The following SIPA1L2 variants were observed in gnomAD, a reference collection of about 807,000 sequenced individuals.
The protein encoded by SIPA1L2 is signal induced proliferation associated 1 like 2, also known as signal-induced proliferation-associated 1-like protein 2.
A neutral mutation model predicts 163.9 loss-of-function variants in SIPA1L2; 56 were observed. The observed-to-expected ratio is 0.34, with a 90% CI of 0.28 to 0.43. The LOEUF (loss-of-function observed/expected upper bound fraction) is 0.43. SIPA1L2 is among the 20% of genes least tolerant of loss of function. SIPA1L2 has a pLI of 1.00. For synonymous variants in SIPA1L2, 877 were observed against 865.7 expected (o/e 1.01, Z -0.23); for missense variants, 1,974 against 2,193.5 (o/e 0.90, Z 2.00).
chr1:232,584,484 A>G (rs998963163), intron 1 of SIPA1L2, among the ~76,000 whole-genome samples: 1 of 152,212 alleles, frequency 6.6e-6, no homozygotes, highest in Admixed American at 6.5e-5. Flanking sequence ...GCCTAGTCCA[A>G]TCATATTTCT....
At chr1:232,452,266 G>T (rs550151594) in intron 10 of SIPA1L2, among the ~76,000 whole-genome samples, 1 of 152,078 alleles carries the variant, frequency 6.6e-6, no homozygotes, top group Non-Finnish European at 1.5e-5. Flanking sequence ...AAGACTTCTT[G>T]GTTACAGCTG....
At chr1:232,406,723 T>G (rs1413424505) in intron 19 of SIPA1L2, among the ~76,000 whole-genome samples, 1 of 152,070 alleles carries the variant, frequency 6.6e-6, no homozygotes, top group South Asian at 2.1e-4. Flanking sequence ...AAGGCTGGAC[T>G]GGTGGGGGTG....
At chr1:232,452,085 T>C (rs1189289886) in intron 10 of SIPA1L2, among the ~76,000 whole-genome samples, 1 of 138,132 alleles carries the variant, frequency 7.2e-6, no homozygotes, top group Non-Finnish European at 1.6e-5. Context: ...GAGGATCTTT[T>C]ATTTTACTGC....
chr1:232,579,976 A>G (rs1220983232), intron 1 of SIPA1L2, among the ~76,000 whole-genome samples: 1 of 152,200 alleles, frequency 6.6e-6, no homozygotes, highest in Non-Finnish European at 1.5e-5. Context: ...GTGAATTCGT[A>G]AAGTGAAAGC....
chr1:232,456,851 A>G (rs1663949185), intron 10 of SIPA1L2, among the ~76,000 whole-genome samples: 1 of 152,164 alleles, frequency 6.6e-6, no homozygotes, highest in Admixed American at 6.6e-5. Flanking sequence ...TTCCATTTGA[A>G]GAGTACTATT....
chr1:232,556,699 G>C (rs1354412644), intron 2 of SIPA1L2, among the ~76,000 whole-genome samples: 1 of 149,630 alleles, frequency 6.7e-6, no homozygotes, highest in Non-Finnish European at 1.5e-5. Context: ...TAAAACTAGG[G>C]ATCTTATCCT....
intron 3 of SIPA1L2, among the ~76,000 whole-genome samples, chr1:232,495,936 A>G (rs947654804): frequency 1.3e-5 from 2 of 152,258 alleles, no homozygotes; most frequent in African/African-American, 4.8e-5. Flanking sequence ...GCTAAATGTT[A>G]TTACAAAAGA....
chr1:232,465,537 T>TACATACAC lies in SIPA1L2; in HGVS notation c.2244-129_2244-122dup, dbSNP rs1664467170. 1.3e-6 allele frequency: 1 copy of TACATACAC among 792,660 alleles called. No individual in the cohort carries two copies. The highest frequency in any genetic ancestry group is 2.0e-6 in the Non-Finnish European group (1 of 505,200). The allele number at this position is 792,660 out of a possible 1,614,324, so 49.1% of individuals were successfully genotyped here. ...ATACATACACACACACACACACATA[T>TACATACAC]ACATACACACATACACACACACTTT... On this transcript the variant is annotated intron_variant, in intron 8 of 22. Coordinates refer to ENST00000674635, the MANE Select transcript of SIPA1L2 (RefSeq NM_020808.5). The surrounding 1 kb of genome is among the most constrained non-coding windows in gnomAD (Gnocchi z 4.1).
intron 7 of SIPA1L2, among the ~76,000 whole-genome samples, chr1:232,476,516 G>A (rs1417540192): frequency 6.6e-6 from 1 of 152,100 alleles, no homozygotes; most frequent in African/African-American, 2.4e-5. Context: ...GACATCCCAC[G>A]ATGGCTTAAC....
intron 5 of SIPA1L2, among the ~76,000 whole-genome samples, chr1:232,489,978 T>C (rs946395584): frequency 2.6e-5 from 4 of 152,264 alleles, no homozygotes; most frequent in African/African-American, 9.6e-5. Flanking sequence ...GATCTCCACA[T>C]AGCCATCAGT....
intron 8 of SIPA1L2, among the ~76,000 whole-genome samples, chr1:232,468,175 T>C (rs1664619015): frequency 6.6e-6 from 1 of 152,220 alleles, no homozygotes; most frequent in African/African-American, 2.4e-5. Flanking sequence ...AATATTCTTT[T>C]GCCAGATTCA....
At chr1:232,469,269 G>A (rs1417389604) in intron 8 of SIPA1L2, among the ~76,000 whole-genome samples, 1 of 152,196 alleles carries the variant, frequency 6.6e-6, no homozygotes, top group East Asian at 1.9e-4. Flanking sequence ...TTAGGACATA[G>A]CAAAATTTAA....
intron 1 of SIPA1L2, among the ~76,000 whole-genome samples, chr1:232,599,306 G>T (rs1166124103): frequency 1.3e-5 from 2 of 152,094 alleles, no homozygotes; most frequent in Non-Finnish European, 2.9e-5. Flanking sequence ...TGAGTCTGAC[G>T]GTGGAGCCTA....
At chr1:232,548,389 C>T (rs1658172708) in intron 2 of SIPA1L2, among the ~76,000 whole-genome samples, 1 of 152,156 alleles carries the variant, frequency 6.6e-6, no homozygotes. Context: ...TTGCTTCCAA[C>T]CTCTGTACAT....
chr1:232,598,618 G>C (rs1457287941), intron 1 of SIPA1L2, among the ~76,000 whole-genome samples: 1 of 152,064 alleles, frequency 6.6e-6, no homozygotes, highest in African/African-American at 2.4e-5. Flanking sequence ...CCAAGATCAG[G>C]GCACTAGCAC....
Position 232,483,924 on chromosome 1 carries a change from C to T in SIPA1L2, c.1849G>A (p.Gly617Ser), listed in dbSNP as rs1665512939. 6.2e-7 allele frequency: 1 copy of T among 1,613,556 alleles called. No individual in the cohort carries two copies. The highest frequency in any genetic ancestry group is 1.1e-5 in the South Asian group (1 of 90,920). Residue 617 changes from glycine (G) to serine (S), a missense_variant, in exon 6 of 23, where the codon GGC becomes AGC. By Grantham distance (56) the Gly-to-Ser change is moderately conservative. This residue lies in a region of SIPA1L2 where 288 missense variants were observed against 418.9 expected (regional missense o/e 0.69). Transcript: ENST00000674635. ...TACATCTCTTCCTCTGTGCTCTGGC[C>T]TGCTTTGCAATAAAGGATCCCGATC... The part of the protein sequence containing the change: ...HKIGILYCKA[G>S]QSTEEEMYNN...
chr1:232,535,368 T>C (rs1449602452), intron 2 of SIPA1L2, among the ~76,000 whole-genome samples: 1 of 152,194 alleles, frequency 6.6e-6, no homozygotes, highest in East Asian at 1.9e-4. Flanking sequence ...TAAATCTCTA[T>C]TTTCACATGT....
intron 1 of SIPA1L2, among the ~76,000 whole-genome samples, chr1:232,611,441 G>A (rs942010989): frequency 2.4e-4 from 36 of 152,256 alleles, no homozygotes; most frequent in African/African-American, 8.4e-4. Context: ...TTTGGAACTT[G>A]CCTGAGACTC....
At chr1:232,468,929 T>A (rs1297802935) in intron 8 of SIPA1L2, among the ~76,000 whole-genome samples, 2 of 152,202 alleles carry the variant, frequency 1.3e-5, no homozygotes, top group African/African-American at 4.8e-5. Flanking sequence ...GAAAGTGAGA[T>A]GTTTCGTGGG....
Sources: gnomAD v4.1 joint callset for allele counts (sites outside exome capture counted in the v4.1 genomes callset) on GRCh38, gnomAD v4.1.1 for gene constraint, gnomAD v4.1.1 regional missense constraint, Gnocchi (gnomAD v3.1) non-coding constraint, MANE v1.5 for transcripts, NCBI Gene and HGNC (gene_info 2026-07-23, HGNC 2026-07-21) for gene names.